The following DPP6 variants were observed in gnomAD, a reference collection of about 807,000 sequenced individuals.
The protein encoded by DPP6 is dipeptidyl peptidase like 6.
DPP6 carries 69 observed loss-of-function variants against 122.6 expected under a neutral mutation model. The observed-to-expected ratio is 0.56, with a 90% CI of 0.46 to 0.69. DPP6 has a LOEUF of 0.69. Among genes scored for constraint, DPP6 ranks in the 30% least tolerant of loss-of-function variants. DPP6 has a pLI of 0.00. For missense variants in DPP6, 928 were observed against 1,116.9 expected (o/e 0.83, Z 2.41); for synonymous variants, 418 against 433.1 (o/e 0.97, Z 0.43).
chr7:153,976,689 A>G (rs1487769950), intron 1 of DPP6, among the ~76,000 whole-genome samples: 1 of 152,264 alleles, frequency 6.6e-6, no homozygotes, highest in African/African-American at 2.4e-5. Context: ...GAATATTTTC[A>G]AAAGCTCACC....
intron 1 of DPP6, among the ~76,000 whole-genome samples, chr7:154,435,983 G>T (rs1165115917): frequency 6.6e-6 from 1 of 152,012 alleles, no homozygotes; most frequent in East Asian, 1.9e-4. Context: ...TTCCACATTG[G>T]CCTGATATTT....
chr7:153,786,740 G>GA, the DPP6 span, among the ~76,000 whole-genome samples: 156 of 31,770 alleles, frequency 4.9e-3, 3 homozygotes, highest in East Asian at 8.7e-3. Context: ...CTCCGTCTCA[G>GA]AAAAAAAAAA....
intron 1 of DPP6, among the ~76,000 whole-genome samples, chr7:154,335,303 T>TA (rs199736760): frequency 0.017 from 2,531 of 152,244 alleles, 67 homozygotes; most frequent in African/African-American, 0.057. Flanking sequence ...GAGTATTTCT[T>TA]AAAAAACAAA....
chr7:154,325,485 G>T (rs1160463662), intron 1 of DPP6, among the ~76,000 whole-genome samples: 3 of 152,074 alleles, frequency 2.0e-5, no homozygotes, highest in Admixed American at 2.0e-4. Flanking sequence ...ATACAAGCTG[G>T]GTCTTCATTA....
chr7:154,304,242 G>T (rs941095250), intron 1 of DPP6, among the ~76,000 whole-genome samples: 4 of 152,256 alleles, frequency 2.6e-5, no homozygotes, highest in African/African-American at 9.6e-5. Flanking sequence ...GGAGTGCAGA[G>T]AAAGAGTGCC....
chr7:154,501,582 C>T (rs547796732), intron 3 of DPP6, among the ~76,000 whole-genome samples: 1 of 152,300 alleles, frequency 6.6e-6, no homozygotes, highest in South Asian at 2.1e-4. Context: ...GCTGCTTCCA[C>T]ATGGTATTGA....
rs1796570796 is a variant in DPP6 at position 154,776,314 on chromosome 7, A to G, written c.1136+3372A>G. ...CCATGCACCCTTTCTATCCCCCCTC[A>G]CATCGGCTGGGTCACTCCCATACGA... is the stretch of plus-strand genomic sequence containing the variant. On this transcript the variant is annotated intron_variant, in intron 10 of 25. Transcript: ENST00000377770. Among the ~76,000 whole-genome samples, 3 of 152,106 alleles carry G rather than the reference A, an allele frequency of 2.0e-5. No individual in the cohort carries two copies. In the South Asian group the frequency reaches 6.2e-4, roughly 32 times the overall value.
intron 1 of DPP6, among the ~76,000 whole-genome samples, chr7:154,217,887 G>A (rs1248480913): frequency 1.3e-5 from 2 of 152,194 alleles, no homozygotes; most frequent in Admixed American, 6.5e-5. Flanking sequence ...GTCTCAGAGG[G>A]CAGGGCTGAG....
chr7:154,713,278 G>T (rs1449848229), intron 7 of DPP6, among the ~76,000 whole-genome samples: 1 of 152,214 alleles, frequency 6.6e-6, no homozygotes, highest in Admixed American at 6.5e-5. Flanking sequence ...GCCTTTCCAG[G>T]TACCTGGGGC....
upstream of DPP6, among the ~76,000 whole-genome samples, chr7:154,049,221 C>T (rs548616428): frequency 1.5e-3 from 220 of 144,810 alleles, 2 homozygotes; most frequent in Middle Eastern, 7.3e-3. Flanking sequence ...GAAATATTGA[C>T]ATGTTTCCTT....
chr7:153,988,946 G>A (rs1209836764), intron 1 of DPP6, among the ~76,000 whole-genome samples: 5 of 150,296 alleles, frequency 3.3e-5, no homozygotes, highest in African/African-American at 1.2e-4. Context: ...AGGGGGCTTC[G>A]CAGGTCATTA....
rs3863236 is a variant in DPP6 at position 154,863,406 on chromosome 7, A to G, written c.1715-4589A>G. 0.027 allele frequency among the ~76,000 whole-genome samples: 4,074 copies of G among 149,344 alleles called. 217 individuals carry two copies. Among genetic ancestry groups the G allele is most frequent in the Admixed American group, 0.14 (2,072 of 15,046 alleles). On this transcript the variant is annotated intron_variant, in intron 17 of 25. Transcript: ENST00000377770. This position sits in a 1 kb window ranked among gnomAD's most constrained non-coding sequence, Gnocchi z 4.1. ...CACCTAGGCTCAAGGGGAGTGGTGCAATCACAGCTCAAGCTATCCTCCCAC... is the reference window on the plus strand; with the variant it reads ...CACCTAGGCTCAAGGGGAGTGGTGCGATCACAGCTCAAGCTATCCTCCCAC...
chr7:154,540,473 A>G lies in DPP6; in HGVS notation c.458-59A>G, dbSNP rs201750533. ...TTTTACTTTACATAAGCATTCGTCA[A>G]AAGTTGAGGAGAGTTCCTTGATGTT... On this transcript the variant is annotated intron_variant, in intron 3 of 25. Transcript: ENST00000377770. 48 of 1,088,904 alleles carry G rather than the reference A, an allele frequency of 4.4e-5. No homozygotes were observed. In the East Asian group the frequency reaches 1.1e-3, roughly 24 times the overall value. 67.5% of individuals were successfully genotyped at this position (1,088,904 alleles called of 1,614,324 possible).
intron 1 of DPP6, among the ~76,000 whole-genome samples, chr7:154,060,001 C>T (rs541620838): frequency 6.6e-6 from 1 of 152,136 alleles, no homozygotes; most frequent in Admixed American, 6.5e-5. Context: ...GCTGTTGGGA[C>T]CCGCATCGCG....
chr7:154,646,247 G>A (rs1836472659), intron 6 of DPP6, among the ~76,000 whole-genome samples: 1 of 152,064 alleles, frequency 6.6e-6, no homozygotes. Context: ...AGGCTCTTTA[G>A]GAAAGAATGC....
intron 5 of DPP6, chr7:154,587,380 C>A: frequency 1.9e-6 from 1 of 531,054 alleles, no homozygotes; most frequent in Non-Finnish European, 3.4e-6. Context: ...TTGATCTGGA[C>A]TCTTCTCTCC....
intron 1 of DPP6, among the ~76,000 whole-genome samples, chr7:154,384,744 T>C (rs1813934541): frequency 6.6e-6 from 1 of 151,206 alleles, no homozygotes; most frequent in African/African-American, 2.4e-5. Flanking sequence ...TTTCTTTTAT[T>C]TTTTTTTGAG....
Position 154,880,937 on chromosome 7 carries a change from G to A in DPP6, c.2128G>A (p.Gly710Arg), listed in dbSNP as rs1168568640. ...TGACAGGACGCGCGTGGCCGTGTTT[G>A]GGAAGGTGAGTCTGCGCCACCCTGG... ...YIDRTRVAVF[G>R]KDYGGYLSTY... The change falls in exon 21 of 26, where the codon GGG becomes AGG. Residue 710 changes from glycine (G) to arginine (R), a missense_variant. By Grantham distance (125) the Gly-to-Arg change is moderately radical. Transcript: ENST00000377770. 8 of 1,613,790 alleles carry A rather than the reference G, an allele frequency of 5.0e-6. No individual in the cohort carries two copies. Among genetic ancestry groups the A allele is most frequent in the Non-Finnish European group, 5.9e-6 (7 of 1,179,866 alleles).
chr7:154,619,492 A>G (rs1486144301), intron 5 of DPP6, among the ~76,000 whole-genome samples: 1 of 152,244 alleles, frequency 6.6e-6, no homozygotes, highest in African/African-American at 2.4e-5. Context: ...GCCACCAGTG[A>G]TATGTGAACA....
Sources: allele counts gnomAD v4.1 joint callset (sites outside exome capture counted in the v4.1 genomes callset), GRCh38; gene constraint gnomAD v4.1.1; non-coding constraint Gnocchi (gnomAD v3.1); transcripts MANE v1.5; gene names NCBI Gene and HGNC (gene_info 2026-07-23, HGNC 2026-07-21).